KMT2A: variants seen among roughly 807,000 people sequenced by gnomAD.
KMT2A encodes the protein lysine methyltransferase 2A.
A neutral mutation model predicts 345.3 loss-of-function variants in KMT2A; 16 were observed. The ratio of observed to expected loss-of-function variants is 0.05; its 90% CI spans 0.03 to 0.07. The LOEUF (loss-of-function observed/expected upper bound fraction) is 0.07. Among genes scored for constraint, KMT2A ranks in the 10% least tolerant of loss-of-function variants. The pLI is 1.00. For missense variants in KMT2A, 3,272 were observed against 4,841.6 expected (o/e 0.68, Z 9.62); for synonymous variants, 1,599 against 1,778.6 (o/e 0.90, Z 2.54).
chr11:118,518,951 G>A (rs1162695069), intron 31 of KMT2A, among the ~76,000 whole-genome samples: 2 of 139,792 alleles, frequency 1.4e-5, no homozygotes, highest in African/African-American at 2.9e-5. Flanking sequence ...TGGTGGCGGC[G>A]CCCGTAGTCC....
intron 1 of KMT2A, chr11:118,458,091 G>T: frequency 6.7e-6 from 2 of 300,536 alleles, no homozygotes; most frequent in Admixed American, 4.4e-5. Context: ...ATTTTATTTT[G>T]GTTTATTTTT....
chr11:118,505,376 C>G lies in KMT2A; in HGVS notation c.9484C>G (p.His3162Asp). 6.2e-7 allele frequency: 1 copy of G among 1,614,188 alleles called. No individual in the cohort carries two copies. The highest frequency in any genetic ancestry group is 8.5e-7 in the Non-Finnish European group (1 of 1,180,018). The change falls in exon 27 of 36, where the codon CAC becomes GAC. Residue 3162 changes from histidine to aspartate, a missense_variant. This residue lies in a region of KMT2A where 748 missense variants were observed against 922.2 expected (regional missense o/e 0.81). Transcript: ENST00000534358. This position sits in a 1 kb window ranked among gnomAD's most constrained non-coding sequence, Gnocchi z 4.6. ...CAAAGGATTGCTACCCATGTCTCAT[C>G]ACCAGCACTTACATTCCTTCCCTGC... ...ASKGLLPMSH[H>D]QHLHSFPAAT...
intron 1 of KMT2A, among the ~76,000 whole-genome samples, chr11:118,437,168 G>A (rs371837293): frequency 1.7e-5 from 2 of 121,160 alleles, no homozygotes; most frequent in Non-Finnish European, 3.4e-5. Flanking sequence ...TTTGCCCCCC[G>A]CTCTCCTCCC....
intron 24 of KMT2A, 60 bp downstream of exon 24, chr11:118,499,973 T>C: frequency 8.9e-7 from 1 of 1,123,136 alleles, no homozygotes; most frequent in South Asian, 1.3e-5. Context: ...TGAAGCCATG[T>C]GCAGGTCATT....
In KMT2A at chr11:118,503,371, A is replaced by G. The variant is rs1555046603; in HGVS notation, c.7479A>G (p.Lys2493=). 6.2e-7 allele frequency: 1 copy of G among 1,614,176 alleles called. No homozygotes were observed. The highest frequency in any genetic ancestry group is 1.1e-5 in the South Asian group (1 of 91,084). ...NNVSSDKIGD[K]GLSMPGVPKA... ...TTTCTTCTGATAAGATTGGTGATAAAGGCCTTTCTATGCCAGGAGTCCCCA... is the reference window on the plus strand; with the variant it reads ...TTTCTTCTGATAAGATTGGTGATAAGGGCCTTTCTATGCCAGGAGTCCCCA... The change falls in exon 27 of 36, where the codon AAA becomes AAG. Residue 2493 remains lysine, a synonymous_variant. Transcript: ENST00000534358. This position sits in a 1 kb window ranked among gnomAD's most constrained non-coding sequence, Gnocchi z 5.3.
intron 1 of KMT2A, among the ~76,000 whole-genome samples, chr11:118,466,651 A>G (rs1006911985): frequency 6.6e-6 from 1 of 152,080 alleles, no homozygotes; most frequent in Non-Finnish European, 1.5e-5. Context: ...GCCCATCTCT[A>G]CTAAAAATAC....
At position 118,488,594 on chromosome 11, in the gene KMT2A, T is replaced by C; in HGVS notation, c.4333-20T>C. The C allele has an allele frequency of 6.2e-7, 1 of 1,612,378 alleles. No individual in the cohort carries two copies. Among genetic ancestry groups the C allele is most frequent in the Non-Finnish European group, 8.5e-7 (1 of 1,178,616 alleles). Reference sequence around the variant, plus strand: ...ACATATTATTTGACATACTTCTATCTTCCCATGTTCTTACTATAGTTTGTG... The same window carrying C: ...ACATATTATTTGACATACTTCTATCCTCCCATGTTCTTACTATAGTTTGTG... On this transcript the variant is annotated intron_variant, in intron 10 of 35. Transcript: ENST00000534358.
At position 118,509,262 on chromosome 11, in the gene KMT2A, C is replaced by A. The variant is rs565447335; in HGVS notation, c.10900+62C>A. 5 of 1,301,924 alleles carry A rather than the reference C, an allele frequency of 3.8e-6. No homozygotes were observed. In the African/African-American group the frequency reaches 4.4e-5, roughly 12 times the overall value. The allele number at this position is 1,301,924 out of a possible 1,614,324, so 80.6% of individuals were successfully genotyped here. A position where few individuals can be genotyped will look rare whatever the true frequency, so the allele number is the denominator to read the frequency against. ...TCAATGCTAAAAGGATTATGAGAAT[C>A]ACCCACTTTACCTACTTATTTTCTA... is the stretch of plus-strand genomic sequence containing the variant. On this transcript the variant is annotated intron_variant, in intron 29 of 35. Coordinates refer to ENST00000534358, the MANE Select transcript of KMT2A (RefSeq NM_001197104.2).
At chr11:118,437,491 G>A (rs1555139024) in intron 1 of KMT2A, among the ~76,000 whole-genome samples, 9 of 151,104 alleles carry the variant, frequency 6.0e-5, no homozygotes. Flanking sequence ...CCATCCCCGG[G>A]CCAGGTCCCT....
At position 118,510,051 on chromosome 11, in the gene KMT2A, C is replaced by G; in HGVS notation, c.11004C>G (p.Pro3668=). The G allele has an allele frequency of 6.2e-7, 1 of 1,613,710 alleles. No individual in the cohort carries two copies. Among genetic ancestry groups the G allele is most frequent in the Non-Finnish European group, 8.5e-7 (1 of 1,179,742 alleles). Residue 3668 remains proline (P), a synonymous_variant, in exon 30 of 36, where the codon CCC becomes CCG. Transcript: ENST00000534358. This position sits in a 1 kb window ranked among gnomAD's most constrained non-coding sequence, Gnocchi z 4.1. ...KRKESITEKK[P]KKGLVFEISS... is the part of the protein sequence containing the mutation. ...AGGAAAGCATTACTGAGAAAAAACC[C>G]AAGAAAGGACTTGTTTTTGAAATTT...
At chr11:118,508,943 A>G (rs1387542679) in intron 28 of KMT2A, among the ~76,000 whole-genome samples, 193 bp from the exon 29 acceptor site, 2 of 152,146 alleles carry the variant, frequency 1.3e-5, no homozygotes, top group Non-Finnish European at 2.9e-5. Flanking sequence ...AAAGAATCTC[A>G]CAAAAGAGTT....
At chr11:118,482,277 G>A (rs369943312) in intron 7 of KMT2A, 145 bp from the exon 8 acceptor site, 111 of 901,994 alleles carry the variant, frequency 1.2e-4, no homozygotes, top group East Asian at 1.2e-3. Context: ...CAGTTAAATT[G>A]GAGGTATTGT....
chr11:118,437,684 C>G lies in KMT2A; in HGVS notation c.432+740C>G, dbSNP rs568443458. Among the ~76,000 whole-genome samples the G allele has an allele frequency of 1.9e-3, 295 of 151,696 alleles. 4 individuals carry two copies. The highest frequency in any genetic ancestry group is 6.8e-3 in the African/African-American group (280 of 41,232). On this transcript the variant is annotated intron_variant, in intron 1 of 35. Coordinates refer to ENST00000534358, the MANE Select transcript of KMT2A (RefSeq NM_001197104.2). ...TCATACAGCAGTCTCTTCCCCCCCC[C>G]GCCCCGTCTTACAGGGCTACAGTTT...
intron 6 of KMT2A, 64 bp downstream of exon 6, chr11:118,480,302 A>C: frequency 8.1e-7 from 1 of 1,228,738 alleles, no homozygotes; most frequent in South Asian, 1.3e-5. Flanking sequence ...AGTTGTATAC[A>C]CCCAGTAGAA....
rs149351885 is a variant in KMT2A, at chr11:118,501,710, A to G, written c.6358A>G (p.Ile2120Val). The change falls in exon 26 of 36, where the codon ATA (isoleucine) becomes GTA (valine). Residue 2120 changes from isoleucine (I) to valine (V), a missense_variant. Ile to Val is a conservative substitution (Grantham distance 29, BLOSUM62 3). Around this residue, in one of 27 missense-constraint regions of KMT2A, gnomAD observed 66 missense variants for 73.9 expected, o/e 0.89. Coordinates refer to ENST00000534358, the MANE Select transcript of KMT2A (RefSeq NM_001197104.2). ...SKESQNTAEI[I>V]SPPSPDRPPH... is the part of the protein sequence containing the mutation. Reference sequence around the variant, plus strand: ...AGAGAGTCAAAACACAGCTGAAATTATAAGTCCTCCATCACCAGACCGACC... The same window carrying G: ...AGAGAGTCAAAACACAGCTGAAATTGTAAGTCCTCCATCACCAGACCGACC... The G allele has an allele frequency of 2.2e-5, 35 of 1,613,842 alleles. No homozygotes were observed. The East Asian group carries it at 2.5e-4, about 11-fold the overall frequency.
intron 31 of KMT2A, among the ~76,000 whole-genome samples, chr11:118,516,770 A>G (rs1187168783): frequency 5.3e-5 from 8 of 152,220 alleles, no homozygotes; most frequent in African/African-American, 1.7e-4. Context: ...GAGTTCCCAT[A>G]GTACTTTATA....
chr11:118,512,591 C>T (rs1555050409), intron 31 of KMT2A, among the ~76,000 whole-genome samples: 1 of 152,112 alleles, frequency 6.6e-6, no homozygotes, highest in Non-Finnish European at 1.5e-5. Flanking sequence ...AATGTTGCCA[C>T]AAATATTCAT....
chr11:118,509,439 T>G (rs1950645263), intron 29 of KMT2A, among the ~76,000 whole-genome samples: 1 of 152,182 alleles, frequency 6.6e-6, no homozygotes, highest in Non-Finnish European at 1.5e-5. Context: ...ATACCCATAC[T>G]CTTCTGCTGT....
intron 1 of KMT2A, among the ~76,000 whole-genome samples, chr11:118,439,286 C>T (rs1214202631): frequency 6.6e-6 from 1 of 152,000 alleles, no homozygotes; most frequent in African/African-American, 2.4e-5. Flanking sequence ...ATAAGAAAGT[C>T]TCTATTAGGA....
Sources: gnomAD v4.1 joint callset for allele counts (sites outside exome capture counted in the v4.1 genomes callset) on GRCh38, gnomAD v4.1.1 for gene constraint, gnomAD v4.1.1 regional missense constraint, Gnocchi (gnomAD v3.1) non-coding constraint, MANE v1.5 for transcripts, NCBI Gene and HGNC (gene_info 2026-07-23, HGNC 2026-07-21) for gene names.